The following CNKSR2 variants were observed in gnomAD, a reference collection of about 807,000 sequenced individuals.
CNKSR2 encodes connector enhancer of kinase suppressor of Ras 2.
In CNKSR2, 14 loss-of-function variants were observed where a neutral mutation model predicts 84.4. The observed-to-expected ratio is 0.17, with a 90% CI of 0.11 to 0.26. The LOEUF (loss-of-function observed/expected upper bound fraction) is 0.26. Among genes scored for constraint, CNKSR2 ranks in the 10% least tolerant of loss-of-function variants. The pLI is 1.00. For missense variants in CNKSR2, 485 were observed against 771.2 expected (o/e 0.63, Z 4.40); for synonymous variants, 275 against 277.9 (o/e 0.99, Z 0.10).
chrX:21,537,442 T>C (rs1340243076), intron 11 of CNKSR2, among the ~76,000 whole-genome samples: 2 of 111,673 alleles, frequency 1.8e-5, no homozygotes, highest in Non-Finnish European at 3.8e-5. Flanking sequence ...AGATGACCTA[T>C]CTAATGCTGA....
intron 6 of CNKSR2, chrX:21,493,063 T>C (rs1365891860): frequency 1.8e-5 from 2 of 112,196 alleles, no homozygotes; most frequent in Non-Finnish European, 3.8e-5. Flanking sequence ...GGTAACTGAT[T>C]TGTTCTCCTG....
chrX:21,611,558 CAG>C (rs1410875913), intron 20 of CNKSR2, among the ~76,000 whole-genome samples: 1 of 112,097 alleles, frequency 8.9e-6, no homozygotes, highest in Non-Finnish European at 1.9e-5. Flanking sequence ...TTCAGGTTTC[CAG>C]TAGTCCACAG....
intron 1 of CNKSR2, among the ~76,000 whole-genome samples, chrX:21,419,972 C>G (rs2090473190): frequency 8.9e-6 from 1 of 112,553 alleles, no homozygotes; most frequent in Admixed American, 9.3e-5. Flanking sequence ...TTGTGTTCTT[C>G]CCTTCAGGGC....
chrX:21,454,799 T>C (rs2147112737), intron 4 of CNKSR2, among the ~76,000 whole-genome samples: 1 of 112,204 alleles, frequency 8.9e-6, no homozygotes, highest in Admixed American at 9.5e-5. Flanking sequence ...TTATGAAGTA[T>C]TTTCAAATAT....
chrX:21,534,583 T>A (rs908623512), intron 11 of CNKSR2, among the ~76,000 whole-genome samples: 3 of 110,763 alleles, frequency 2.7e-5, no homozygotes, highest in African/African-American at 9.8e-5. Flanking sequence ...TTTCTCTGAA[T>A]CATTGCCAGC....
chrX:21,485,176 C>G (rs893120962), intron 5 of CNKSR2, among the ~76,000 whole-genome samples: 3 of 111,362 alleles, frequency 2.7e-5, no homozygotes, highest in East Asian at 2.8e-4. Context: ...AAGTGAGACT[C>G]TATCTCAAAA....
intron 17 of CNKSR2, among the ~76,000 whole-genome samples, chrX:21,598,929 G>C (rs1411745489): frequency 8.9e-6 from 1 of 112,745 alleles, no homozygotes; most frequent in Non-Finnish European, 1.9e-5. Flanking sequence ...AAGTAAATCA[G>C]TAAGTATCTT....
intron 4 of CNKSR2, among the ~76,000 whole-genome samples, chrX:21,467,548 G>A (rs944501214): frequency 9.0e-6 from 1 of 111,574 alleles, no homozygotes; most frequent in Non-Finnish European, 1.9e-5. Flanking sequence ...CTAATCAAGA[G>A]TATCCCAAAT....
intron 15 of CNKSR2, chrX:21,591,486 G>T (rs1380985917): frequency 4.7e-5 from 7 of 150,304 alleles, no homozygotes; most frequent in Non-Finnish European, 8.9e-5. Context: ...TTAACTAAAA[G>T]GATTATATGT....
At chrX:21,461,233 G>A (rs143135611) in intron 4 of CNKSR2, among the ~76,000 whole-genome samples, 1,726 of 111,899 alleles carry the variant, frequency 0.015, 32 homozygotes, top group African/African-American at 0.053. Context: ...TTTTAACTGG[G>A]GTGAGATGCT....
intron 13 of CNKSR2, among the ~76,000 whole-genome samples, chrX:21,570,598 T>A (rs1338523040): frequency 3.6e-5 from 4 of 112,342 alleles, no homozygotes; most frequent in Non-Finnish European, 7.5e-5. Context: ...GCTTTTGACA[T>A]GCCTTCCTCA....
intron 1 of CNKSR2, among the ~76,000 whole-genome samples, chrX:21,392,017 C>G (rs755113448): frequency 1.8e-5 from 2 of 112,090 alleles, no homozygotes; most frequent in Admixed American, 9.4e-5. Context: ...TGCTGCCAGT[C>G]TCCTTGGTAA....
chrX:21,517,641 A>G (rs1490287648), intron 9 of CNKSR2, among the ~76,000 whole-genome samples: 1 of 111,097 alleles, frequency 9.0e-6, no homozygotes, highest in African/African-American at 3.3e-5. Context: ...TCAGGATATA[A>G]TCTTTAAACT....
intron 5 of CNKSR2, among the ~76,000 whole-genome samples, chrX:21,473,392 A>G (rs1330479082): frequency 8.9e-6 from 1 of 112,055 alleles, no homozygotes; most frequent in African/African-American, 3.3e-5. Flanking sequence ...ATAAAATAGT[A>G]TACAGTACCA....
intron 1 of CNKSR2, among the ~76,000 whole-genome samples, chrX:21,391,088 C>T (rs1301340708): frequency 3.5e-5 from 4 of 112,804 alleles, no homozygotes; most frequent in Non-Finnish European, 7.5e-5. Context: ...GCAGCTCTGG[C>T]CCTGTGTCTT....
intron 1 of CNKSR2, among the ~76,000 whole-genome samples, chrX:21,419,855 C>T (rs1341999355): frequency 8.9e-6 from 1 of 112,327 alleles, no homozygotes; most frequent in Non-Finnish European, 1.9e-5. Flanking sequence ...GAAGCCAACA[C>T]AGCACTACAT....
intron 1 of CNKSR2, among the ~76,000 whole-genome samples, chrX:21,414,160 T>C (rs1176556680): frequency 4.5e-5 from 5 of 111,093 alleles, no homozygotes; most frequent in Admixed American, 3.8e-4. Context: ...TTCTCCATAG[T>C]GGTTGTACTA....
intron 2 of CNKSR2, among the ~76,000 whole-genome samples, chrX:21,431,849 C>T (rs2090637931): frequency 9.0e-6 from 1 of 111,554 alleles, no homozygotes; most frequent in African/African-American, 3.3e-5. Context: ...GATGAATTAA[C>T]AAATATTAGT....
chrX:21,518,559 T>C (rs549736513), intron 9 of CNKSR2, among the ~76,000 whole-genome samples: 1 of 112,011 alleles, frequency 8.9e-6, no homozygotes, highest in East Asian at 2.8e-4. Context: ...AGAATCATTT[T>C]CATATAAAAT....
Sources: allele counts gnomAD v4.1 joint callset (sites outside exome capture counted in the v4.1 genomes callset), GRCh38; gene constraint gnomAD v4.1.1; transcripts MANE v1.5; gene names NCBI Gene and HGNC (gene_info 2026-07-23, HGNC 2026-07-21).